Variants in TUT4 observed in about 807,000 individuals in gnomAD.
TUT4 encodes terminal uridylyltransferase 4.
In TUT4, 36 loss-of-function variants were observed where a neutral mutation model predicts 192.2. The ratio of observed to expected loss-of-function variants is 0.19; its 90% CI spans 0.14 to 0.25. TUT4 has a LOEUF of 0.25. TUT4 is among the 10% of genes least tolerant of loss of function. The pLI is 1.00. For missense variants in TUT4, 1,493 were observed against 1,957.2 expected (o/e 0.76, Z 4.47); for synonymous variants, 618 against 666.0 (o/e 0.93, Z 1.11).
chr1:52,500,187 G>C (rs1352325328), intron 4 of TUT4, among the ~76,000 whole-genome samples: 1 of 151,646 alleles, frequency 6.6e-6, no homozygotes, highest in Admixed American at 6.6e-5. Context: ...TTTTTGACAA[G>C]GGTGCCAAGA....
At position 52,475,673 on chromosome 1, in the gene TUT4, T is replaced by C. The variant is rs1399286422; in HGVS notation, c.2024-138A>G. ...GGGTTTTTCTAAGCTAGACTCCCAG[T>C]GAAAGTTCCTGAAAATGGGAGGAAA... On this transcript the variant is annotated intron_variant, in intron 12 of 29. Transcript: ENST00000257177. 4 of 717,268 alleles carry C rather than the reference T, an allele frequency of 5.6e-6. No individual in the cohort carries two copies. The East Asian group carries it at 1.1e-4, about 20-fold the overall frequency. The allele number at this position is 717,268 out of a possible 1,614,324, so 44.4% of individuals were successfully genotyped here.
At chr1:52,510,091 C>T (rs1189658747) in intron 3 of TUT4, among the ~76,000 whole-genome samples, 1 of 152,072 alleles carries the variant, frequency 6.6e-6, no homozygotes, top group South Asian at 2.1e-4. Flanking sequence ...GCTGGCAGAT[C>T]ACTTGAGCTC....
At chr1:52,550,696 T>G (rs1003334690) in intron 1 of TUT4, among the ~76,000 whole-genome samples, 1 of 152,022 alleles carries the variant, frequency 6.6e-6, no homozygotes, top group Admixed American at 6.6e-5. Flanking sequence ...AGTCTCACTA[T>G]GCTGCTCAGA....
rs990284807 is a variant in TUT4, at chr1:52,462,624, C to T, written c.3070-855G>A. 4 of 629,146 alleles carry T rather than the reference C, an allele frequency of 6.4e-6. No individual in the cohort carries two copies. In the Admixed American group the frequency reaches 1.9e-4, roughly 30 times the overall value. The allele number at this position is 629,146 out of a possible 1,614,324, so 39.0% of individuals were successfully genotyped here. A position where few individuals can be genotyped will look rare whatever the true frequency, so the allele number is the denominator to read the frequency against. On this transcript the variant is annotated intron_variant, in intron 16 of 29. Coordinates refer to ENST00000257177, the MANE Select transcript of TUT4 (RefSeq NM_001009881.3). ...GAGCTGTTGGGAGGATTACATGAGA[C>T]ATGTATGTAAAGCACTCAGCAGAAT...
At chr1:52,442,232 GAA>G (rs1241119005) in intron 24 of TUT4, among the ~76,000 whole-genome samples, 1 of 150,158 alleles carries the variant, frequency 6.7e-6, no homozygotes, top group Non-Finnish European at 1.5e-5. Flanking sequence ...AAATGGGGAA[GAA>G]AAATGACAGA....
intron 1 of TUT4, among the ~76,000 whole-genome samples, chr1:52,536,732 T>C (rs1685001148): frequency 6.6e-6 from 1 of 152,116 alleles, no homozygotes; most frequent in African/African-American, 2.4e-5. Flanking sequence ...TGGGTGCTTG[T>C]AATCCCAGCT....
intron 4 of TUT4, among the ~76,000 whole-genome samples, chr1:52,505,330 A>C (rs1675232500): frequency 1.3e-5 from 2 of 151,884 alleles, no homozygotes; most frequent in South Asian, 4.2e-4. Flanking sequence ...AGGTTCAAAC[A>C]ACCAAAGGAG....
At chr1:52,510,724 T>A (rs1374711926) in intron 3 of TUT4, among the ~76,000 whole-genome samples, 1 of 152,218 alleles carries the variant, frequency 6.6e-6, no homozygotes, top group Non-Finnish European at 1.5e-5. Context: ...CAATTTGTCA[T>A]TTTAATTCCC....
chr1:52,436,737 T>C lies in TUT4; in HGVS notation c.4162+18A>G. Reference sequence around the variant, plus strand: ...ACTTCGTTTCTACCAGAAACTATGTTTGGCCTTTTCTATTTACCTGCCACA... The same window carrying C: ...ACTTCGTTTCTACCAGAAACTATGTCTGGCCTTTTCTATTTACCTGCCACA... On this transcript the variant is annotated intron_variant, in intron 26 of 29. Transcript: ENST00000257177. 6.2e-7 allele frequency: 1 copy of C among 1,612,242 alleles called. No homozygotes were observed. Among genetic ancestry groups the C allele is most frequent in the Non-Finnish European group, 8.5e-7 (1 of 1,179,790 alleles).
In TUT4 at chr1:52,471,959, T is replaced by A; in HGVS notation, c.2871A>T (p.Arg957Ser). ...FREILDLVCK[R>S]CFDELSPPCS... ...TAGTAATGAAAGACTTACCAAAACA[T>A]CTTTTACATACTAAATCAAGTATTT... Residue 957 changes from arginine (R) to serine (S), a missense_variant, in exon 14 of 30, where the codon AGA (arginine) becomes AGT (serine). Physicochemically the swap from Arg to Ser is moderately radical, Grantham distance 110. Transcript: ENST00000257177. 6.2e-7 allele frequency: 1 copy of A among 1,612,502 alleles called. No individual in the cohort carries two copies. The highest frequency in any genetic ancestry group is 8.5e-7 in the Non-Finnish European group (1 of 1,179,200).
intron 4 of TUT4, among the ~76,000 whole-genome samples, chr1:52,505,966 G>A (rs752195793): frequency 6.6e-6 from 1 of 151,870 alleles, no homozygotes; most frequent in Non-Finnish European, 1.5e-5. Flanking sequence ...TTTCAGGCAT[G>A]AGCCACGATG....
chr1:52,472,573 TATTAA>T (rs1049276976), intron 13 of TUT4, among the ~76,000 whole-genome samples: 2 of 150,854 alleles, frequency 1.3e-5, no homozygotes, highest in African/African-American at 4.8e-5. Context: ...ACTAATTTAT[TATTAA>T]ATTATTTAAT....
At chr1:52,485,416 A>G (rs1300003024) in intron 9 of TUT4, among the ~76,000 whole-genome samples, 1 of 152,112 alleles carries the variant, frequency 6.6e-6, no homozygotes, top group Non-Finnish European at 1.5e-5. Context: ...CAAAGAGATA[A>G]TTTTATACTT....
chr1:52,513,677 C>T (rs2149346201), intron 3 of TUT4, among the ~76,000 whole-genome samples: 1 of 152,252 alleles, frequency 6.6e-6, no homozygotes, highest in Middle Eastern at 3.4e-3. Flanking sequence ...ATACCTATTG[C>T]ATCCCAACTT....
chr1:52,519,774 GCT>G (rs1185433862), intron 2 of TUT4, among the ~76,000 whole-genome samples: 3 of 152,182 alleles, frequency 2.0e-5, no homozygotes, highest in African/African-American at 7.2e-5. Context: ...CTCCCAAAGT[GCT>G]GGGATTACAG....
At chr1:52,481,672 A>G in intron 10 of TUT4, 37 bp from the exon 11 acceptor site, 1 of 1,552,954 alleles carries the variant, frequency 6.4e-7, no homozygotes, top group Non-Finnish European at 8.7e-7. Flanking sequence ...TAGTGGAAAA[A>G]TTATTTAAAA....
intron 24 of TUT4, among the ~76,000 whole-genome samples, chr1:52,445,039 A>ATATG (rs1553162500): frequency 3.3e-5 from 5 of 149,880 alleles, no homozygotes; most frequent in East Asian, 1.9e-4. Flanking sequence ...GTATATATAT[A>ATATG]TGTGTGTGTG....
At chr1:52,524,244 C>T (rs896972906) in intron 2 of TUT4, among the ~76,000 whole-genome samples, 1 of 152,172 alleles carries the variant, frequency 6.6e-6, no homozygotes, top group East Asian at 1.9e-4. Flanking sequence ...TTACTTAAAA[C>T]TCTTCCAAAG....
intron 3 of TUT4, among the ~76,000 whole-genome samples, chr1:52,512,830 TAC>T (rs1677558258): frequency 6.6e-6 from 1 of 152,066 alleles, no homozygotes; most frequent in African/African-American, 2.4e-5. Context: ...AGCAAAAGTC[TAC>T]AGTCTACATC....
Sources: gnomAD v4.1 joint callset for allele counts (sites outside exome capture counted in the v4.1 genomes callset) on GRCh38, gnomAD v4.1.1 for gene constraint, MANE v1.5 for transcripts, NCBI Gene and HGNC (gene_info 2026-07-23, HGNC 2026-07-21) for gene names.